Variants in SAMMSON observed in about 807,000 individuals in gnomAD.
SAMMSON encodes survival associated mitochondrial melanoma specific oncogenic non-coding RNA.
chr3:70,062,877 T>C (rs1014800954), intron 3 of SAMMSON, among the ~76,000 whole-genome samples: 4 of 152,174 alleles, frequency 2.6e-5, no homozygotes, highest in African/African-American at 9.6e-5. Flanking sequence ...GCAGTTAGTA[T>C]TGGCATCAGT....
chr3:70,121,555 C>G (rs1195980985), intron 4 of SAMMSON, among the ~76,000 whole-genome samples: 1 of 152,150 alleles, frequency 6.6e-6, no homozygotes, highest in East Asian at 1.9e-4. Context: ...AAAATAAAGA[C>G]TTTCTTGGAC....
At chr3:70,092,974 A>T (rs2067310440) in intron 4 of SAMMSON, among the ~76,000 whole-genome samples, 1 of 149,728 alleles carries the variant, frequency 6.7e-6, no homozygotes, top group Admixed American at 6.7e-5. Context: ...TCAGTTCCAG[A>T]GATCCTCAGG....
chr3:70,267,997 C>T (rs1701936603), intron 6 of SAMMSON, among the ~76,000 whole-genome samples: 1 of 151,294 alleles, frequency 6.6e-6, no homozygotes, highest in African/African-American at 2.4e-5. Flanking sequence ...CCTTTCACCT[C>T]CCCTTTCTCC....
At chr3:70,013,592 G>T (rs1462013921) in exon 3 of SAMMSON, 1 of 152,128 alleles carries the variant, frequency 6.6e-6, no homozygotes, top group Non-Finnish European at 1.5e-5. Context: ...CAAAACTGGG[G>T]TCCTCAGCAG....
intron 9 of SAMMSON, among the ~76,000 whole-genome samples, chr3:70,383,097 G>T (rs1157795109): frequency 6.6e-6 from 1 of 152,042 alleles, no homozygotes; most frequent in Non-Finnish European, 1.5e-5. Flanking sequence ...TCCACTAGGA[G>T]ATTGGACATG....
At chr3:70,095,141 G>T (rs1490863102) in intron 4 of SAMMSON, among the ~76,000 whole-genome samples, 1 of 152,132 alleles carries the variant, frequency 6.6e-6, no homozygotes, top group Non-Finnish European at 1.5e-5. Flanking sequence ...GGAGGTCAGG[G>T]TTCAGTCCTC....
intron 7 of SAMMSON, among the ~76,000 whole-genome samples, chr3:70,339,729 G>A (rs1405292606): frequency 6.6e-6 from 1 of 152,104 alleles, no homozygotes; most frequent in Non-Finnish European, 1.5e-5. Flanking sequence ...AGTTAGAATG[G>A]CGATCATTAA....
chr3:70,329,755 A>G (rs991126314), intron 7 of SAMMSON, among the ~76,000 whole-genome samples: 1 of 151,994 alleles, frequency 6.6e-6, no homozygotes, highest in East Asian at 1.9e-4. Context: ...CTTTAAAAAA[A>G]TTTTTAAAGG....
intron 4 of SAMMSON, among the ~76,000 whole-genome samples, chr3:70,096,639 T>A (rs1025535118): frequency 1.3e-5 from 2 of 152,074 alleles, no homozygotes; most frequent in African/African-American, 4.8e-5. Flanking sequence ...AGGTTACAGG[T>A]CCTATTTATA....
chr3:70,107,030 G>T (rs2067369551), intron 4 of SAMMSON, among the ~76,000 whole-genome samples: 1 of 152,168 alleles, frequency 6.6e-6, no homozygotes, highest in Non-Finnish European at 1.5e-5. Context: ...TGGACACCCA[G>T]TGTATGTAAT....
intron 4 of SAMMSON, among the ~76,000 whole-genome samples, chr3:70,130,460 G>T (rs1031567420): frequency 6.6e-6 from 1 of 152,166 alleles, no homozygotes; most frequent in Non-Finnish European, 1.5e-5. Flanking sequence ...ATCCCATGCT[G>T]TATGCTATTC....
intron 7 of SAMMSON, among the ~76,000 whole-genome samples, chr3:70,301,100 G>A (rs7650291): frequency 0.21 from 31,513 of 151,790 alleles, 3,462 homozygotes; most frequent in South Asian, 0.28. Context: ...AAGAAAAGAG[G>A]CTGGGTGATA....
rs186313685 is a variant in SAMMSON, at chr3:70,323,164, G to C, written n.740-31011G>C. Among the ~76,000 whole-genome samples, 3 of 152,204 alleles carry C rather than the reference G, an allele frequency of 2.0e-5. No homozygotes were observed. The East Asian group carries it at 5.8e-4, about 29-fold the overall frequency. On this transcript the variant is annotated intron_variant and non_coding_transcript_variant, in intron 7 of 9. Coordinates refer to ENST00000642114, the Ensembl canonical transcript of SAMMSON. ...TGTGAATCTCCTCTAAAATGCACAG[G>C]ACGTAAGAAGAAGAAAAAGAAAAGC...
At chr3:70,422,819 C>T (rs1044691636) in intron 2 of SAMMSON, among the ~76,000 whole-genome samples, 2 of 151,816 alleles carry the variant, frequency 1.3e-5, no homozygotes, top group African/African-American at 4.8e-5. Flanking sequence ...AAGCAAGCAA[C>T]TGCAATGATA....
intron 4 of SAMMSON, among the ~76,000 whole-genome samples, chr3:70,134,734 A>C (rs551219905): frequency 6.6e-6 from 1 of 152,258 alleles, no homozygotes; most frequent in South Asian, 2.1e-4. Context: ...ATACATATTT[A>C]TTTCTAAAAC....
intron 7 of SAMMSON, among the ~76,000 whole-genome samples, chr3:70,292,634 A>C (rs935436215): frequency 6.6e-6 from 1 of 152,150 alleles, no homozygotes; most frequent in African/African-American, 2.4e-5. Flanking sequence ...TATGAAAAAT[A>C]ACTATTTAAA....
chr3:70,175,586 C>A (rs1701003174), intron 4 of SAMMSON, among the ~76,000 whole-genome samples: 1 of 152,014 alleles, frequency 6.6e-6, no homozygotes, highest in Non-Finnish European at 1.5e-5. Flanking sequence ...AACCCCAAAT[C>A]TTCTGTGCTT....
chr3:70,274,084 TGTGTGTGC>T lies in SAMMSON; in HGVS notation n.675-17093_675-17086del, dbSNP rs1227387309. On this transcript the variant is annotated intron_variant and non_coding_transcript_variant, in intron 6 of 9. Transcript: ENST00000642114. ...GTGTGTGTGTGTGTGTGTGTGTGTG[TGTGTGTGC>T]GCGCGCGCATGTGTGTGTGTGAGAC... is the stretch of plus-strand genomic sequence containing the variant. Among the ~76,000 whole-genome samples, 975 of 148,562 alleles carry T rather than the reference TGTGTGTGC, an allele frequency of 6.6e-3. 14 individuals carry two copies. Among genetic ancestry groups the T allele is most frequent in the African/African-American group, 0.022 (869 of 39,886 alleles).
intron 6 of SAMMSON, among the ~76,000 whole-genome samples, chr3:70,250,444 CACACACAA>C (rs1266586650): frequency 7.4e-6 from 1 of 134,708 alleles, no homozygotes; most frequent in African/African-American, 2.6e-5. Flanking sequence ...CACACACACA[CACACACAA>C]ACACAAACCT....
Sources: gnomAD v4.1 joint callset for allele counts (sites outside exome capture counted in the v4.1 genomes callset) on GRCh38, gnomAD v4.1.1 for gene constraint, MANE v1.5 for transcripts, NCBI Gene and HGNC (gene_info 2026-07-23, HGNC 2026-07-21) for gene names.